Variants in ADCY2 observed in about 807,000 individuals in gnomAD.
The protein encoded by ADCY2 is adenylate cyclase type 2.
A neutral mutation model predicts 125.2 loss-of-function variants in ADCY2; 31 were observed. The ratio of observed to expected loss-of-function variants is 0.25; its 90% CI spans 0.19 to 0.33. The LOEUF is 0.33. ADCY2 is among the 10% of genes least tolerant of loss of function. The pLI is 1.00. For missense variants in ADCY2, 904 were observed against 1,418.2 expected, an observed-to-expected ratio of 0.64 and a Z score of 5.82; for synonymous variants, 512 against 548.4, an observed-to-expected ratio of 0.93 and a Z score of 0.93.
chr5:7,724,114 CAAAAAAAAAAAA>C (rs1272949604), intron 12 of ADCY2, among the ~76,000 whole-genome samples: 7 of 76,560 alleles, frequency 9.1e-5, no homozygotes, highest in South Asian at 6.4e-4. Flanking sequence ...TAGAAGCTAA[CAAAAAAAAAAAA>C]AAAAAAAAAA....
At position 7,445,876 on chromosome 5, in the gene ADCY2, TC is replaced by T. The variant is rs556876070; in HGVS notation, c.408+31107del. On this transcript the variant is annotated intron_variant, in intron 2 of 24. Transcript: ENST00000338316. ...AGAATCCTCATATTGTTTTCAACAGTCTTTTAATGCACTTTTGAATCTTCAC... is the reference window on the plus strand; with the variant it reads ...AGAATCCTCATATTGTTTTCAACAGTTTTTAATGCACTTTTGAATCTTCAC... Among the ~76,000 whole-genome samples, 14 of 152,362 alleles carry T rather than the reference TC, an allele frequency of 9.2e-5. No individual in the cohort carries two copies. The South Asian group carries it at 2.9e-3, about 32-fold the overall frequency.
At chr5:7,451,165 C>T (rs955550548) in intron 2 of ADCY2, among the ~76,000 whole-genome samples, 7 of 152,152 alleles carry the variant, frequency 4.6e-5, no homozygotes, top group Admixed American at 1.3e-4. Context: ...TTTTATAAGG[C>T]TATAGATGCC....
At chr5:7,489,461 T>A (rs1413552681) in intron 2 of ADCY2, among the ~76,000 whole-genome samples, 1 of 152,162 alleles carries the variant, frequency 6.6e-6, no homozygotes, top group Non-Finnish European at 1.5e-5. Flanking sequence ...CACTGCTGGG[T>A]CATCTTGGCA....
intron 2 of ADCY2, among the ~76,000 whole-genome samples, chr5:7,424,808 A>C (rs1375569660): frequency 6.6e-6 from 1 of 152,198 alleles, no homozygotes. Flanking sequence ...AATCAACTAA[A>C]ACTGAAATTC....
At chr5:7,602,937 G>A (rs540946183) in intron 3 of ADCY2, among the ~76,000 whole-genome samples, 1 of 152,274 alleles carries the variant, frequency 6.6e-6, no homozygotes, top group East Asian at 1.9e-4. Context: ...AGGAAGTCCA[G>A]ACATGGGGGC....
intron 3 of ADCY2, among the ~76,000 whole-genome samples, chr5:7,580,653 G>A (rs1736399854): frequency 2.0e-5 from 3 of 152,200 alleles, no homozygotes. Flanking sequence ...AGAGGATGGA[G>A]AAGAACATAT....
intron 3 of ADCY2, among the ~76,000 whole-genome samples, chr5:7,561,631 T>G (rs1324167293): frequency 6.6e-6 from 1 of 152,064 alleles, no homozygotes; most frequent in Non-Finnish European, 1.5e-5. Context: ...TATAAATAAT[T>G]TCCGAATGCA....
chr5:7,492,345 T>C (rs1366456046), intron 2 of ADCY2, among the ~76,000 whole-genome samples: 3 of 152,214 alleles, frequency 2.0e-5, no homozygotes, highest in African/African-American at 7.2e-5. Flanking sequence ...TTAGCATTGA[T>C]TAATCATCCA....
intron 3 of ADCY2, among the ~76,000 whole-genome samples, chr5:7,586,894 A>G (rs1280472474): frequency 6.6e-6 from 1 of 152,152 alleles, no homozygotes; most frequent in Non-Finnish European, 1.5e-5. Context: ...CTATCCCTTC[A>G]GATCTCTATT....
intron 2 of ADCY2, among the ~76,000 whole-genome samples, chr5:7,484,266 GAATTTATTCAT>G (rs1178731339): frequency 6.6e-6 from 1 of 152,110 alleles, no homozygotes; most frequent in African/African-American, 2.4e-5. Flanking sequence ...ACAGCATTCA[GAATTTATTCAT>G]AATATAGTAA....
At chr5:7,525,334 A>C (rs574466143) in intron 3 of ADCY2, among the ~76,000 whole-genome samples, 63 of 152,036 alleles carry the variant, frequency 4.1e-4, no homozygotes, top group Non-Finnish European at 7.9e-4. Context: ...TGATGTCCAC[A>C]TTGTCTCTGG....
At chr5:7,752,028 C>T (rs889081229) in intron 15 of ADCY2, among the ~76,000 whole-genome samples, 5 of 152,222 alleles carry the variant, frequency 3.3e-5, no homozygotes, top group African/African-American at 4.8e-5. Flanking sequence ...TCACTGTCCT[C>T]AACCACCTCT....
At position 7,827,835 on chromosome 5, in the gene ADCY2, G is replaced by A. The variant is rs890238327; in HGVS notation, c.*964G>A. The A allele has an allele frequency of 2.0e-5, 3 of 152,372 alleles. No homozygotes were observed. Among genetic ancestry groups the A allele is most frequent in the Admixed American group, 6.5e-5 (1 of 15,290 alleles). The allele number at this position is 152,372 out of a possible 1,614,324, so 9.4% of individuals were successfully genotyped here. A position where few individuals can be genotyped will look rare whatever the true frequency, so the allele number is the denominator to read the frequency against. ...TTAATAGTAAAAAGATTCTCTGCGA[G>A]CAACAGTGCCCCCTCCGTCCACTAC... On this transcript the variant is annotated 3_prime_UTR_variant, in exon 25 of 25. Transcript: ENST00000338316.
chr5:7,432,900 A>ATGT (rs1554008371), intron 2 of ADCY2, among the ~76,000 whole-genome samples: 1 of 151,422 alleles, frequency 6.6e-6, no homozygotes, highest in African/African-American at 2.4e-5. Flanking sequence ...CAATTTCAAC[A>ATGT]TGTACTGCTT....
intron 4 of ADCY2, among the ~76,000 whole-genome samples, chr5:7,629,609 T>C (rs1255297680): frequency 2.0e-5 from 3 of 152,108 alleles, no homozygotes; most frequent in African/African-American, 7.2e-5. Flanking sequence ...TTTTACAAGG[T>C]AGGGAAAAGA....
At position 7,688,759 on chromosome 5, in the gene ADCY2, C is replaced by T. The variant is rs551297086; in HGVS notation, c.721-1932C>T. Among the ~76,000 whole-genome samples, 22 of 152,234 alleles carry T rather than the reference C, an allele frequency of 1.4e-4. No homozygotes were observed. The South Asian group carries it at 3.9e-3, about 27-fold the overall frequency. ...CCACAGGGTGCCTCACTGTAGTGTA[C>T]GCTCAGGACCTGCAGAAATGGAATT... On this transcript the variant is annotated intron_variant, in intron 4 of 24. Coordinates refer to ENST00000338316, the MANE Select transcript of ADCY2 (RefSeq NM_020546.3).
chr5:7,815,792 G>C (rs1234929444), intron 22 of ADCY2, among the ~76,000 whole-genome samples: 5 of 152,162 alleles, frequency 3.3e-5, no homozygotes, highest in Admixed American at 3.3e-4. Context: ...GAGTAAATGA[G>C]GAAATTGTTA....
intron 24 of ADCY2, among the ~76,000 whole-genome samples, chr5:7,823,058 G>A (rs1745352739): frequency 6.6e-6 from 1 of 152,040 alleles, no homozygotes; most frequent in African/African-American, 2.4e-5. Context: ...ATTAAACCTC[G>A]ACTTACCTGC....
chr5:7,437,830 C>T (rs1740864167), intron 2 of ADCY2, among the ~76,000 whole-genome samples: 3 of 152,182 alleles, frequency 2.0e-5, no homozygotes, highest in African/African-American at 7.2e-5. Context: ...AATCAGAAAG[C>T]ACAAGAAGAG....
Sources: gnomAD v4.1 joint callset for allele counts (sites outside exome capture counted in the v4.1 genomes callset) on GRCh38, gnomAD v4.1.1 for gene constraint, MANE v1.5 for transcripts, NCBI Gene and HGNC (gene_info 2026-07-23, HGNC 2026-07-21) for gene names.